The following PMFBP1 variants were observed in gnomAD, a reference collection of about 807,000 sequenced individuals.
PMFBP1 encodes the protein polyamine-modulated factor 1-binding protein 1.
A neutral mutation model predicts 137.8 loss-of-function variants in PMFBP1; 131 were observed. The observed-to-expected ratio is 0.95, with a 90% CI of 0.82 to 1.10. The LOEUF is 1.10. Ranked by LOEUF, PMFBP1 falls within the 50% of genes least tolerant of loss-of-function variation. PMFBP1 has a pLI of 0.00. For synonymous variants in PMFBP1, 490 were observed against 450.4 expected (o/e 1.09, Z -1.11); for missense variants, 1,199 against 1,175.4 (o/e 1.02, Z -0.29).
At chr16:72,202,395 C>T in the PMFBP1 span, among the ~76,000 whole-genome samples, 3 of 152,168 alleles carry the variant, frequency 2.0e-5, no homozygotes, top group South Asian at 2.1e-4. Context: ...CCAGGCTGGT[C>T]GTGAACTCCT....
chr16:72,125,397 G>T lies in PMFBP1; in HGVS notation c.2262C>A (p.His754Gln), dbSNP rs779629287. ...DLTQALEKLN[H>Q]VTSETKSLQQ... is the part of the protein sequence containing the mutation. ...GCAGGCTCTTTGTCTCTGAGGTCAC[G>T]TGATTGAGCTTCCGGAAAAGACAAA... Residue 754 changes from histidine to glutamine, a missense_variant, in exon 16 of 21, where the codon CAC (histidine) becomes CAA (glutamine). Physicochemically the swap from His to Gln is conservative, Grantham distance 24 (BLOSUM62 0). Coordinates refer to ENST00000237353, the MANE Select transcript of PMFBP1 (RefSeq NM_031293.3). 3 of 1,608,830 alleles carry T rather than the reference G, an allele frequency of 1.9e-6. No individual in the cohort carries two copies. The highest frequency in any genetic ancestry group is 1.7e-4 in the Middle Eastern group (1 of 6,020).
upstream of PMFBP1, among the ~76,000 whole-genome samples, chr16:72,178,254 A>G (rs140018012): frequency 2.0e-4 from 30 of 152,312 alleles, no homozygotes; most frequent in African/African-American, 4.1e-4. Flanking sequence ...CATGATATCA[A>G]TGCATCTTAT....
chr16:72,139,356 A>G lies in PMFBP1; in HGVS notation c.851T>C (p.Phe284Ser), dbSNP rs2042681025. 6.2e-7 allele frequency: 1 copy of G among 1,614,144 alleles called. No individual in the cohort carries two copies. Among genetic ancestry groups the G allele is most frequent in the Non-Finnish European group, 8.5e-7 (1 of 1,180,014 alleles). ...EKALIKLQAD[F>S]ASCTATHRYP... ...TCTGTGGGTGGCTGTACAGGAAGCA[A>G]AATCGGCTTGTAGTTTTATCAAAGC... Residue 284 changes from phenylalanine (F) to serine (S), a missense_variant, in exon 7 of 21, where the codon TTT (phenylalanine) becomes TCT (serine). By Grantham distance (155) the Phe-to-Ser change is radical. Coordinates refer to ENST00000237353, the MANE Select transcript of PMFBP1 (RefSeq NM_031293.3).
intron 8 of PMFBP1, 40 bp downstream of exon 8, chr16:72,136,653 C>T (rs2144323287): frequency 1.2e-6 from 2 of 1,614,070 alleles, no homozygotes; most frequent in South Asian, 2.2e-5. Context: ...AGTTAGGCTT[C>T]CTTCTGGCTC....
intron 5 of PMFBP1, among the ~76,000 whole-genome samples, chr16:72,142,267 G>T (rs184933204): frequency 3.2e-4 from 48 of 152,236 alleles, no homozygotes; most frequent in African/African-American, 1.1e-3. Flanking sequence ...CAAGGAAGAA[G>T]ATATCTACAT....
chr16:72,152,059 T>G (rs1221634373), intron 4 of PMFBP1, among the ~76,000 whole-genome samples: 1 of 152,212 alleles, frequency 6.6e-6, no homozygotes, highest in Non-Finnish European at 1.5e-5. Context: ...ACCAGTGTCC[T>G]TTATGGGCTT....
chr16:72,231,609 A>G, the PMFBP1 span, among the ~76,000 whole-genome samples: 1 of 152,196 alleles, frequency 6.6e-6, no homozygotes, highest in Non-Finnish European at 1.5e-5. Context: ...TTTTTAAAAC[A>G]TATCCAAACA....
chr16:72,183,225 G>A, the PMFBP1 span, among the ~76,000 whole-genome samples: 2 of 152,148 alleles, frequency 1.3e-5, no homozygotes, highest in Non-Finnish European at 2.9e-5. Context: ...GCTTCCTGGT[G>A]GGATCTTAGT....
the PMFBP1 span, among the ~76,000 whole-genome samples, chr16:72,183,324 A>G: frequency 2.0e-5 from 3 of 152,346 alleles, no homozygotes; most frequent in East Asian, 5.8e-4. Context: ...AGGTGGCTCC[A>G]GAGGCTGGGA....
downstream of PMFBP1, among the ~76,000 whole-genome samples, chr16:72,118,302 C>G (rs778437316): frequency 2.2e-4 from 34 of 152,160 alleles, no homozygotes; most frequent in Non-Finnish European, 3.8e-4. Flanking sequence ...AAACAGACAA[C>G]AACTATCATA....
rs1243174623 is a variant in PMFBP1, at chr16:72,128,354, C to A, written c.2088+303G>T. On this transcript the variant is annotated intron_variant, in intron 14 of 20. Transcript: ENST00000237353. ...TTGGAAGTGTTCCCTAGCAAATTGC[C>A]CCCCAAAATGGATTCACTCAACTCT... 3.0e-6 allele frequency: 4 copies of A among 1,319,422 alleles called. No individual in the cohort carries two copies. The African/African-American group carries it at 4.5e-5, about 15-fold the overall frequency. 81.7% of individuals were successfully genotyped at this position (1,319,422 alleles called of 1,614,324 possible).
At chr16:72,162,842 A>G (rs982245360) in intron 3 of PMFBP1, among the ~76,000 whole-genome samples, 1 of 152,248 alleles carries the variant, frequency 6.6e-6, no homozygotes, top group Non-Finnish European at 1.5e-5. Flanking sequence ...AGCAATGGTG[A>G]AAATATCCTA....
At chr16:72,182,495 C>CAAA in the PMFBP1 span, among the ~76,000 whole-genome samples, 10 of 74,038 alleles carry the variant, frequency 1.4e-4, no homozygotes, top group Non-Finnish European at 1.8e-4. Flanking sequence ...AACTCTGCCT[C>CAAA]AAAAAAAAAA....
At chr16:72,201,741 C>A in the PMFBP1 span, among the ~76,000 whole-genome samples, 1 of 152,262 alleles carries the variant, frequency 6.6e-6, no homozygotes, top group South Asian at 2.1e-4. Flanking sequence ...TAATTACCCA[C>A]TATACGGTTA....
At chr16:72,224,377 C>T in the PMFBP1 span, among the ~76,000 whole-genome samples, 19 of 152,284 alleles carry the variant, frequency 1.2e-4, no homozygotes, top group Middle Eastern at 3.4e-3. Context: ...GATGAAACCA[C>T]GTGACTTCTG....
At position 72,130,598 on chromosome 16, in the gene PMFBP1, T is replaced by C; in HGVS notation, c.1572A>G (p.Leu524=). The C allele has an allele frequency of 6.2e-7, 1 of 1,614,026 alleles. No homozygotes were observed. The highest frequency in any genetic ancestry group is 8.5e-7 in the Non-Finnish European group (1 of 1,180,018). ...TCTGCAGCATCTGAAGTTCTCTCTG[T>C]AGTTCCTGGATGGTGTCTGCCTTCT... ...DKQKADTIQE[L]QRELQMLQKE... Residue 524 remains leucine (L), a synonymous_variant, in exon 11 of 21, where the codon CTA becomes CTG. Coordinates refer to ENST00000237353, the MANE Select transcript of PMFBP1 (RefSeq NM_031293.3).
chr16:72,133,569 G>A (rs1209352339), intron 9 of PMFBP1, among the ~76,000 whole-genome samples: 2 of 152,212 alleles, frequency 1.3e-5, no homozygotes, highest in African/African-American at 4.8e-5. Context: ...GCTCAATGCA[G>A]CTATAACCTC....
intron 6 of PMFBP1, 116 bp from the exon 7 acceptor site, chr16:72,139,515 T>C (rs2144343556): frequency 1.2e-6 from 1 of 818,738 alleles, no homozygotes; most frequent in Non-Finnish European, 2.0e-6. Context: ...AATTATACAA[T>C]TCATCAGGCA....
intron 6 of PMFBP1, among the ~76,000 whole-genome samples, chr16:72,139,657 C>T (rs2042686118): frequency 6.6e-6 from 1 of 152,090 alleles, no homozygotes; most frequent in Admixed American, 6.6e-5. Context: ...CCGTTTGGTC[C>T]ATTTGATGAG....
Sources: gnomAD v4.1 joint callset for allele counts (sites outside exome capture counted in the v4.1 genomes callset) on GRCh38, gnomAD v4.1.1 for gene constraint, MANE v1.5 for transcripts, NCBI Gene and HGNC (gene_info 2026-07-23, HGNC 2026-07-21) for gene names.